The following METTL22 variants were observed in gnomAD, a reference collection of about 807,000 sequenced individuals.
METTL22 encodes methyltransferase 22, Kin17 lysine.
In METTL22, 51 loss-of-function variants were observed where a neutral mutation model predicts 48.4. The ratio of observed to expected loss-of-function variants is 1.05; its 90% CI spans 0.84 to 1.33. The LOEUF (loss-of-function observed/expected upper bound fraction) is 1.33. METTL22 is among the 40% of genes most tolerant of loss of function. The pLI, the probability that METTL22 is intolerant of heterozygous loss-of-function variation, is 0.00. For missense variants in METTL22, 678 were observed against 526.9 expected, an observed-to-expected ratio of 1.29 and a Z score of -2.81; for synonymous variants, 255 against 214.1, an observed-to-expected ratio of 1.19 and a Z score of -1.67.
At chr16:8,644,852 CTGCG>C in intron 10 of METTL22, 127 bp downstream of exon 10, 1 of 966,494 alleles carries the variant, frequency 1.0e-6, no homozygotes, top group Non-Finnish European at 1.4e-6. Flanking sequence ...GGGGTGAAGC[CTGCG>C]TGCCTGGCAC....
intron 3 of METTL22, among the ~76,000 whole-genome samples, chr16:8,630,461 C>T (rs559151832): frequency 3.3e-5 from 5 of 152,166 alleles, no homozygotes; most frequent in Admixed American, 2.0e-4. Context: ...GTCTGTCTGA[C>T]GCCACAGCCT....
downstream of METTL22, among the ~76,000 whole-genome samples, chr16:8,652,678 T>TA (rs1555479048): frequency 7.3e-5 from 11 of 151,162 alleles, no homozygotes; most frequent in South Asian, 6.3e-4. Flanking sequence ...ATAATTATTT[T>TA]AAAAAAAAAA....
At chr16:8,658,960 A>G in the METTL22 span, among the ~76,000 whole-genome samples, 5 of 151,666 alleles carry the variant, frequency 3.3e-5, no homozygotes, top group African/African-American at 7.3e-5. Context: ...CACCCTCTCA[A>G]ACCACCCACC....
Position 8,646,781 on chromosome 16 carries a change from T to A in METTL22, c.*638T>A. 2.4e-6 allele frequency: 1 copy of A among 424,306 alleles called. No homozygotes were observed. The highest frequency in any genetic ancestry group is 4.8e-6 in the Non-Finnish European group (1 of 209,884). 26.3% of individuals were successfully genotyped at this position (424,306 alleles called of 1,614,324 possible). A position where few individuals can be genotyped will look rare whatever the true frequency, so the allele number is the denominator to read the frequency against. On this transcript the variant is annotated 3_prime_UTR_variant, in exon 11 of 11. Transcript: ENST00000381920. ...GGGTCATGTGCAGCTGACCAGGGTT[T>A]GTGCAGTGATCTTCCTCAGAGGTGT...
At chr16:8,633,088 G>T (rs2056315158) in intron 3 of METTL22, among the ~76,000 whole-genome samples, 1 of 152,280 alleles carries the variant, frequency 6.6e-6, no homozygotes. Flanking sequence ...GATGGCATGG[G>T]TGGGACTGGG....
the METTL22 span, among the ~76,000 whole-genome samples, chr16:8,660,246 A>C: frequency 1.3e-5 from 2 of 151,694 alleles, no homozygotes; most frequent in Admixed American, 1.3e-4. Context: ...GTGTGATCTC[A>C]GCTCACTGCA....
intron 3 of METTL22, 50 bp downstream of exon 3, chr16:8,629,160 T>A: frequency 6.3e-7 from 1 of 1,578,000 alleles, no homozygotes; most frequent in South Asian, 1.2e-5. Context: ...AACTCCGCAG[T>A]GTCACTGCTC....
chr16:8,626,824 GCA>G (rs1371850856), intron 2 of METTL22, among the ~76,000 whole-genome samples: 3 of 123,792 alleles, frequency 2.4e-5, no homozygotes, highest in Non-Finnish European at 1.7e-5. Flanking sequence ...GAGTGCAGTG[GCA>G]TGCGATCTCG....
intron 3 of METTL22, chr16:8,632,072 T>C (rs1443044184): frequency 6.6e-6 from 1 of 152,222 alleles, no homozygotes; most frequent in East Asian, 1.9e-4. Context: ...AGGGGTCGGG[T>C]AGACCTCGGA....
intron 5 of METTL22, among the ~76,000 whole-genome samples, chr16:8,636,775 C>T (rs771515356): frequency 2.0e-5 from 3 of 151,978 alleles, no homozygotes; most frequent in Non-Finnish European, 2.9e-5. Context: ...CTTTGTGTAT[C>T]GTTGTCTAAT....
chr16:8,625,753 A>T lies in METTL22; in HGVS notation c.88A>T (p.Asn30Tyr). The change falls in exon 2 of 11, where the codon AAC becomes TAC. Residue 30 changes from asparagine (N) to tyrosine (Y), a missense_variant. Coordinates refer to ENST00000381920, the MANE Select transcript of METTL22 (RefSeq NM_024109.4). ...GTCAGATGTCCACCTCTATACCCCGAACCATAGACATCTCATGGTACGGCT... is the reference window on the plus strand; with the variant it reads ...GTCAGATGTCCACCTCTATACCCCGTACCATAGACATCTCATGGTACGGCT... ...VLSDVHLYTP[N>Y]HRHLMVRLNS... 1 of 1,614,196 alleles carries T rather than the reference A, an allele frequency of 6.2e-7. No individual in the cohort carries two copies. Among genetic ancestry groups the T allele is most frequent in the African/African-American group, 1.3e-5 (1 of 75,044 alleles).
At chr16:8,641,452 G>T (rs1236238379) in intron 7 of METTL22, 1 of 581,964 alleles carries the variant, frequency 1.7e-6, no homozygotes, top group Non-Finnish European at 3.2e-6. Flanking sequence ...AATTGTGAGT[G>T]CAGACTGCCC....
chr16:8,629,143 C>G (rs2056168176), intron 3 of METTL22, 33 bp downstream of exon 3: 1 of 1,593,084 alleles, frequency 6.3e-7, no homozygotes, highest in Non-Finnish European at 8.5e-7. Context: ...CCACCTGTCA[C>G]CAAGGCAACT....
In METTL22 at chr16:8,647,260, G is replaced by C. The variant is rs1730990; in HGVS notation, c.*1117G>C. On this transcript the variant is annotated 3_prime_UTR_variant, in exon 11 of 11. Coordinates refer to ENST00000381920, the MANE Select transcript of METTL22 (RefSeq NM_024109.4). The stretch of plus-strand genomic sequence containing the variant: ...TTCATCTTCCCAACAAATTTAGGAG[G>C]TCCGCAGCCTTGTGATACCCACATT... 0.13 allele frequency: 17,603 copies of C among 134,718 alleles called. 1,063 individuals carry two copies. Among genetic ancestry groups the C allele is most frequent in the African/African-American group, 0.16 (5,477 of 34,400 alleles). 8.3% of individuals were successfully genotyped at this position (134,718 alleles called of 1,614,324 possible). A position where few individuals can be genotyped will look rare whatever the true frequency, so the allele number is the denominator to read the frequency against.
At chr16:8,665,656 C>G in the METTL22 span, among the ~76,000 whole-genome samples, 1 of 152,202 alleles carries the variant, frequency 6.6e-6, no homozygotes, top group Non-Finnish European at 1.5e-5. Context: ...CTACTCTGGG[C>G]TCTAATTTGC....
chr16:8,645,082 G>C (rs1198391975), intron 10 of METTL22: 1 of 179,712 alleles, frequency 5.6e-6, no homozygotes, highest in Admixed American at 6.3e-5. Flanking sequence ...TCTTGGTGCA[G>C]GCGCCCCGCT....
the METTL22 span, among the ~76,000 whole-genome samples, chr16:8,659,881 T>C: frequency 6.6e-6 from 1 of 151,858 alleles, no homozygotes; most frequent in African/African-American, 2.4e-5. Context: ...CAAGTCACCA[T>C]ACCCAGCTAA....
Position 8,639,203 on chromosome 16 carries a change from C to T in METTL22, c.772+41C>T, listed in dbSNP as rs371230352. 2.1e-4 allele frequency: 334 copies of T among 1,603,552 alleles called. 4 individuals carry two copies. In the South Asian group the frequency reaches 3.3e-3, roughly 16 times the overall value. Reference sequence around the variant, plus strand: ...TCTTCTGCCAGGGAGGGAGGTTTCTCTGTTTAGCAGATAGGACAGACACCC... The same window carrying T: ...TCTTCTGCCAGGGAGGGAGGTTTCTTTGTTTAGCAGATAGGACAGACACCC... On this transcript the variant is annotated intron_variant, in intron 6 of 10. Coordinates refer to ENST00000381920, the MANE Select transcript of METTL22 (RefSeq NM_024109.4).
intron 7 of METTL22, chr16:8,641,794 G>T: frequency 2.1e-6 from 1 of 465,398 alleles, no homozygotes; most frequent in Non-Finnish European, 4.0e-6. Flanking sequence ...GTGCAAAACT[G>T]AGGCTGTTTT....
Sources: allele counts gnomAD v4.1 joint callset (sites outside exome capture counted in the v4.1 genomes callset), GRCh38; gene constraint gnomAD v4.1.1; transcripts MANE v1.5; gene names NCBI Gene and HGNC (gene_info 2026-07-23, HGNC 2026-07-21).